CSMD1: variants seen among roughly 807,000 people sequenced by gnomAD.
CSMD1 encodes the protein CUB and sushi domain-containing protein 1.
In CSMD1, 213 loss-of-function variants were observed where a neutral mutation model predicts 417.5. That is an observed-to-expected ratio of 0.51 (90% CI 0.46 to 0.57). The LOEUF is 0.57. Among genes scored for constraint, CSMD1 ranks in the 20% least tolerant of loss-of-function variants. The probability of loss-of-function intolerance (pLI) is 0.00; values close to 1 mark genes in which losing one functional copy is unlikely to be tolerated. For missense variants in CSMD1, 6,923 were observed against 4,529.7 expected (o/e 1.53, Z -15.17); for synonymous variants, 2,862 against 1,736.8 (o/e 1.65, Z -16.11).
At chr8:3,908,076 G>T (rs903768592) in intron 5 of CSMD1, among the ~76,000 whole-genome samples, 1 of 152,102 alleles carries the variant, frequency 6.6e-6, no homozygotes, top group Non-Finnish European at 1.5e-5. Context: ...TGCAGTCACT[G>T]GAGGTCAAAG....
At position 3,925,179 on chromosome 8, in the gene CSMD1, G is replaced by C. The variant is rs183059171; in HGVS notation, c.818+72724C>G. The stretch of plus-strand genomic sequence containing the variant: ...AAATCCTGACCCATAGAAATTATGA[G>C]AAAAGAAATGTGTGTGTTTTCAATT... On this transcript the variant is annotated intron_variant, in intron 5 of 69. Coordinates refer to ENST00000635120, the MANE Select transcript of CSMD1 (RefSeq NM_033225.6). Among the ~76,000 whole-genome samples the C allele has an allele frequency of 4.8e-4, 73 of 152,284 alleles. 1 individual carries two copies. The highest frequency in any genetic ancestry group is 5.3e-4 in the Non-Finnish European group (36 of 68,018).
intron 39 of CSMD1, among the ~76,000 whole-genome samples, chr8:3,155,136 C>T (rs1170363686): frequency 6.6e-6 from 1 of 151,780 alleles, no homozygotes; most frequent in South Asian, 2.1e-4. Context: ...ATAAAACATC[C>T]CATTATGTAA....
At chr8:4,686,608 C>A (rs573290268) in intron 1 of CSMD1, among the ~76,000 whole-genome samples, 1 of 152,246 alleles carries the variant, frequency 6.6e-6, no homozygotes, top group Admixed American at 6.5e-5. Flanking sequence ...CACGTCCCGA[C>A]GTCTGGCTAC....
chr8:4,888,173 G>T (rs914710717), intron 1 of CSMD1, among the ~76,000 whole-genome samples: 1 of 151,362 alleles, frequency 6.6e-6, no homozygotes, highest in Non-Finnish European at 1.5e-5. Flanking sequence ...TGATACATTG[G>T]TACATCCATA....
chr8:4,822,391 C>T lies in CSMD1; in HGVS notation c.85+171941G>A, dbSNP rs560486988. ...CATTGCTTTATTTGACCTCAACTGG[C>T]CTAGTTTGATGATTTTTTTAAAAAG... is the stretch of plus-strand genomic sequence containing the variant. On this transcript the variant is annotated intron_variant, in intron 1 of 69. Coordinates refer to ENST00000635120, the MANE Select transcript of CSMD1 (RefSeq NM_033225.6). 7.4e-4 allele frequency among the ~76,000 whole-genome samples: 112 copies of T among 152,044 alleles called. 1 individual carries two copies. Among genetic ancestry groups the T allele is most frequent in the African/African-American group, 2.7e-3 (111 of 41,456 alleles).
At position 2,984,616 on chromosome 8, in the gene CSMD1, G is replaced by A. The variant is rs1320418991; in HGVS notation, c.8378-5816C>T. 2.2e-4 allele frequency among the ~76,000 whole-genome samples: 33 copies of A among 152,268 alleles called. 1 individual carries two copies. The highest frequency in any genetic ancestry group is 2.1e-4 in the South Asian group (1 of 4,822). ...CCCACCTTGGGCTCCCAAAGTGCTG[G>A]GATTACAGGCATGAGCCACCGCGCC... On this transcript the variant is annotated intron_variant, in intron 54 of 69. Transcript: ENST00000635120.
At chr8:3,182,848 G>GTGTGTGTGTGTGTGTGTGTT (rs1821469369) in intron 36 of CSMD1, 1 of 83,108 alleles carries the variant, frequency 1.2e-5, no homozygotes, top group Admixed American at 1.2e-4. Flanking sequence ...GAAGGTGTGT[G>GTGTGTGTGTGTGTGTGTGTT]TGTGTGTGTG....
At chr8:4,279,767 A>T (rs979044807) in intron 3 of CSMD1, among the ~76,000 whole-genome samples, 1 of 152,190 alleles carries the variant, frequency 6.6e-6, no homozygotes, top group Non-Finnish European at 1.5e-5. Context: ...ATAAAACTCT[A>T]CGTAAGATAT....
chr8:4,178,093 A>T (rs1001032202), intron 3 of CSMD1, among the ~76,000 whole-genome samples: 10 of 152,320 alleles, frequency 6.6e-5, no homozygotes, highest in African/African-American at 2.4e-4. Context: ...GGCCAGCATC[A>T]TCCTGATACC....
intron 3 of CSMD1, among the ~76,000 whole-genome samples, chr8:4,368,007 C>CT (rs1478276392): frequency 9.9e-5 from 15 of 151,992 alleles, no homozygotes; most frequent in African/African-American, 3.6e-4. Context: ...AGTGAGACAC[C>CT]TTTTCTTGGC....
At chr8:3,425,872 A>C (rs574230655) in intron 12 of CSMD1, among the ~76,000 whole-genome samples, 2 of 152,272 alleles carry the variant, frequency 1.3e-5, no homozygotes, top group South Asian at 4.1e-4. Context: ...ATCAAAGATG[A>C]CCACAAAAGA....
chr8:4,498,678 G>A (rs898205254), intron 2 of CSMD1, among the ~76,000 whole-genome samples: 3 of 152,024 alleles, frequency 2.0e-5, no homozygotes, highest in Admixed American at 6.6e-5. Context: ...CATGTTTATC[G>A]AGTACCTACT....
intron 3 of CSMD1, among the ~76,000 whole-genome samples, chr8:4,310,435 T>C (rs987429894): frequency 2.0e-5 from 3 of 152,186 alleles, no homozygotes; most frequent in Admixed American, 1.3e-4. Flanking sequence ...CAAAGATAAA[T>C]TGTGCAGAAG....
intron 39 of CSMD1, among the ~76,000 whole-genome samples, chr8:3,156,908 G>A (rs973101067): frequency 1.3e-5 from 2 of 150,934 alleles, no homozygotes; most frequent in Admixed American, 6.6e-5. Flanking sequence ...AGGTGGAAGG[G>A]GTGACAGGAG....
intron 2 of CSMD1, among the ~76,000 whole-genome samples, chr8:4,636,903 A>G (rs1802845416): frequency 6.6e-6 from 1 of 152,118 alleles, no homozygotes; most frequent in Non-Finnish European, 1.5e-5. Flanking sequence ...CACTCTGTAA[A>G]ACACACCAAT....
chr8:4,109,194 GA>G (rs1355404197), intron 3 of CSMD1, among the ~76,000 whole-genome samples: 2 of 151,996 alleles, frequency 1.3e-5, no homozygotes, highest in Non-Finnish European at 2.9e-5. Flanking sequence ...ATAATAGCCA[GA>G]AAAAAATCCT....
intron 8 of CSMD1, among the ~76,000 whole-genome samples, chr8:3,612,073 T>A (rs1801921348): frequency 6.6e-6 from 1 of 152,114 alleles, no homozygotes; most frequent in East Asian, 1.9e-4. Flanking sequence ...AAAACAATGT[T>A]GTGCAACAGA....
rs138551867 is a variant in CSMD1, at chr8:4,187,108, G to A, written c.416-155009C>T. On this transcript the variant is annotated intron_variant, in intron 3 of 69. Coordinates refer to ENST00000635120, the MANE Select transcript of CSMD1 (RefSeq NM_033225.6). Reference sequence around the variant, plus strand: ...CTCTAAGGTCCCTTAAAATTCTGAAGAATTTCACCAAGTCTCCACTCTGTT... The same window carrying A: ...CTCTAAGGTCCCTTAAAATTCTGAAAAATTTCACCAAGTCTCCACTCTGTT... Among the ~76,000 whole-genome samples, 675 of 152,074 alleles carry A rather than the reference G, an allele frequency of 4.4e-3. 3 individuals carry two copies. Among genetic ancestry groups the A allele is most frequent in the African/African-American group, 0.015 (622 of 41,478 alleles).
chr8:3,536,160 GGA>G (rs1225745605), intron 10 of CSMD1, among the ~76,000 whole-genome samples: 2 of 152,178 alleles, frequency 1.3e-5, no homozygotes, highest in African/African-American at 4.8e-5. Flanking sequence ...TCATTACATA[GGA>G]GAGCACGGGG....
Sources: gnomAD v4.1 joint callset for allele counts (sites outside exome capture counted in the v4.1 genomes callset) on GRCh38, gnomAD v4.1.1 for gene constraint, MANE v1.5 for transcripts, NCBI Gene and HGNC (gene_info 2026-07-23, HGNC 2026-07-21) for gene names.